Variants in GALNT17 observed in about 807,000 individuals in gnomAD.
GALNT17 encodes the protein UDP-GalNAc:polypeptide N-acetylgalactosaminyltransferase-like 3.
Under a neutral mutation model 63.7 loss-of-function variants are expected in GALNT17, and 29 were observed. The observed-to-expected ratio is 0.46, with a 90% CI of 0.34 to 0.62. The LOEUF (loss-of-function observed/expected upper bound fraction) is 0.62. GALNT17 is among the 20% of genes least tolerant of loss of function. The pLI is 0.01. For synonymous variants in GALNT17, 305 were observed against 318.3 expected, an observed-to-expected ratio of 0.96 and a Z score of 0.45; for missense variants, 603 against 799.6, an observed-to-expected ratio of 0.75 and a Z score of 2.97.
intron 6 of GALNT17, among the ~76,000 whole-genome samples, chr7:71,616,764 A>G (rs1309877251): frequency 7.2e-6 from 1 of 139,042 alleles, no homozygotes; most frequent in Non-Finnish European, 1.5e-5. Context: ...TTTATATGTT[A>G]TATATTATGT....
chr7:71,500,045 A>T (rs1465954341), intron 5 of GALNT17, among the ~76,000 whole-genome samples: 2 of 152,224 alleles, frequency 1.3e-5, no homozygotes, highest in African/African-American at 4.8e-5. Flanking sequence ...CTCTCCAGCC[A>T]TGCGGAGCTG....
chr7:71,553,267 C>T (rs1204992281), intron 5 of GALNT17, among the ~76,000 whole-genome samples: 1 of 151,890 alleles, frequency 6.6e-6, no homozygotes, highest in East Asian at 1.9e-4. Context: ...GTTGAGACTA[C>T]AGTAGGCTAT....
Position 71,397,941 on chromosome 7 carries a change from T to TTGTTGTTGTTGTTG in GALNT17, c.589+9541_589+9542insGTTGTTGTTGTTGT, listed in dbSNP as rs1554365195. ...TTGATGGTTTTGCTCCATTATTGTC[T>TTGTTGTTGTTGTTG]TTGTTGTTGTTGTTGTTGTTGTTGT... On this transcript the variant is annotated intron_variant, in intron 3 of 10. Transcript: ENST00000333538. 1.9e-4 allele frequency among the ~76,000 whole-genome samples: 29 copies of TTGTTGTTGTTGTTG among 150,808 alleles called. No homozygotes were observed. In the East Asian group the frequency reaches 2.4e-3, roughly 12 times the overall value.
chr7:71,169,530 A>T (rs899338080), intron 1 of GALNT17, among the ~76,000 whole-genome samples: 2 of 152,172 alleles, frequency 1.3e-5, no homozygotes, highest in Admixed American at 6.5e-5. Flanking sequence ...GAATTTTTAC[A>T]TAATGGGTTT....
chr7:71,329,011 C>A (rs955605932), intron 1 of GALNT17, among the ~76,000 whole-genome samples: 1 of 152,120 alleles, frequency 6.6e-6, no homozygotes, highest in Admixed American at 6.6e-5. Flanking sequence ...TGCATTTTAG[C>A]TCTAAGGTGG....
chr7:71,706,818 CAG>C (rs1409436159), intron 9 of GALNT17, among the ~76,000 whole-genome samples: 6 of 152,164 alleles, frequency 3.9e-5, no homozygotes, highest in South Asian at 2.1e-4. Flanking sequence ...GAACCCCATG[CAG>C]AGAATCTTAT....
chr7:71,326,436 G>T (rs1791706188), intron 1 of GALNT17, among the ~76,000 whole-genome samples: 1 of 152,036 alleles, frequency 6.6e-6, no homozygotes, highest in Non-Finnish European at 1.5e-5. Flanking sequence ...CTCCAGCCTG[G>T]GTGACAGAGT....
At chr7:71,645,392 T>G (rs1166676502) in intron 6 of GALNT17, among the ~76,000 whole-genome samples, 1 of 152,142 alleles carries the variant, frequency 6.6e-6, no homozygotes, top group Non-Finnish European at 1.5e-5. Context: ...TCTCACAAGA[T>G]CTGATGGTTT....
intron 1 of GALNT17, among the ~76,000 whole-genome samples, chr7:71,287,444 A>C (rs1790894996): frequency 6.6e-6 from 1 of 152,080 alleles, no homozygotes; most frequent in South Asian, 2.1e-4. Context: ...AGATAAGAGG[A>C]GGGTTCCCAC....
chr7:71,377,780 G>T (rs1193895433), intron 2 of GALNT17, among the ~76,000 whole-genome samples: 1 of 152,062 alleles, frequency 6.6e-6, no homozygotes, highest in African/African-American at 2.4e-5. Context: ...GTGATATAGT[G>T]TGTGAGTTCT....
chr7:71,601,796 T>A (rs1446939756), intron 6 of GALNT17, among the ~76,000 whole-genome samples: 1 of 151,286 alleles, frequency 6.6e-6, no homozygotes, highest in East Asian at 1.9e-4. Context: ...GGGAAAAAAA[T>A]AAAATAAAAT....
intron 1 of GALNT17, among the ~76,000 whole-genome samples, chr7:71,186,134 A>G (rs1788846591): frequency 1.3e-5 from 2 of 152,224 alleles, no homozygotes; most frequent in South Asian, 4.1e-4. Context: ...TGCAACCCAC[A>G]TTTTTGAACA....
intron 1 of GALNT17, among the ~76,000 whole-genome samples, chr7:71,153,594 C>G (rs1788173848): frequency 6.6e-6 from 1 of 152,048 alleles, no homozygotes; most frequent in Non-Finnish European, 1.5e-5. Flanking sequence ...GAATAGGAAA[C>G]AATTGTCCTA....
At chr7:71,247,290 C>T (rs1286891413) in intron 1 of GALNT17, among the ~76,000 whole-genome samples, 1 of 152,124 alleles carries the variant, frequency 6.6e-6, no homozygotes, top group East Asian at 1.9e-4. Context: ...GACAAAAATA[C>T]TAACCTCGTT....
chr7:71,486,781 G>A (rs866460267), intron 5 of GALNT17, among the ~76,000 whole-genome samples: 6 of 150,900 alleles, frequency 4.0e-5, no homozygotes, highest in Admixed American at 2.0e-4. Context: ...GAGGATTCCC[G>A]AAGCCCAGGA....
intron 1 of GALNT17, among the ~76,000 whole-genome samples, chr7:71,214,869 C>T (rs939263899): frequency 3.3e-5 from 5 of 152,176 alleles, no homozygotes; most frequent in East Asian, 3.9e-4. Context: ...TGAGCCACCG[C>T]ACCTGGCCTT....
intron 6 of GALNT17, among the ~76,000 whole-genome samples, chr7:71,617,826 T>C (rs1387941945): frequency 6.6e-6 from 1 of 152,008 alleles, no homozygotes; most frequent in African/African-American, 2.4e-5. Context: ...TTTGTATTTT[T>C]AGTAGAGACA....
At chr7:71,241,556 C>T (rs1789997208) in intron 1 of GALNT17, among the ~76,000 whole-genome samples, 1 of 152,180 alleles carries the variant, frequency 6.6e-6, no homozygotes, top group Admixed American at 6.5e-5. Flanking sequence ...GCATGCTTTA[C>T]TCTTCCCTTT....
chr7:71,708,638 G>T (rs1027267982), intron 9 of GALNT17, among the ~76,000 whole-genome samples: 2 of 152,154 alleles, frequency 1.3e-5, no homozygotes, highest in African/African-American at 2.4e-5. Context: ...GAGGTTTGGG[G>T]TATGCTTGAA....
Sources: allele counts gnomAD v4.1 joint callset (sites outside exome capture counted in the v4.1 genomes callset), GRCh38; gene constraint gnomAD v4.1.1; transcripts MANE v1.5; gene names NCBI Gene and HGNC (gene_info 2026-07-23, HGNC 2026-07-21).